VWCE: variants seen among roughly 807,000 people sequenced by gnomAD.
VWCE encodes the protein von Willebrand factor C and EGF domain-containing protein.
VWCE carries 68 observed loss-of-function variants against 102.9 expected under a neutral mutation model. The ratio of observed to expected loss-of-function variants is 0.66; its 90% CI spans 0.54 to 0.81. The LOEUF (loss-of-function observed/expected upper bound fraction) is 0.81. Ranked by LOEUF, VWCE falls within the 30% of genes least tolerant of loss-of-function variation. The pLI, the probability that VWCE is intolerant of heterozygous loss-of-function variation, is 0.00. For missense variants in VWCE, 1,137 were observed against 1,263.6 expected (o/e 0.90, Z 1.52); for synonymous variants, 497 against 515.4 (o/e 0.96, Z 0.48).
intron 11 of VWCE, 145 bp from the exon 12 acceptor site, chr11:61,274,729 G>C: frequency 1.7e-6 from 1 of 599,466 alleles, no homozygotes; most frequent in South Asian, 2.2e-5. Flanking sequence ...GGAACCCAAA[G>C]CACTTCTCCC....
chr11:61,291,223 C>T (rs1484691990), intron 3 of VWCE, 41 bp downstream of exon 3: 6 of 1,507,376 alleles, frequency 4.0e-6, no homozygotes, highest in East Asian at 2.3e-5. Context: ...CCTCAATGCT[C>T]ATTCATCTGT....
chr11:61,281,275 G>C, intron 7 of VWCE, 40 bp from the exon 8 acceptor site: 1 of 1,609,488 alleles, frequency 6.2e-7, no homozygotes, highest in Non-Finnish European at 8.5e-7. Flanking sequence ...GTGGACAGCA[G>C]AGACAGGAGG....
intron 4 of VWCE, 96 bp from the exon 5 acceptor site, chr11:61,286,526 G>T: frequency 8.6e-7 from 1 of 1,162,908 alleles, no homozygotes; most frequent in Non-Finnish European, 1.3e-6. Flanking sequence ...TTGCAGGCCG[G>T]GCATGGTGGC....
chr11:61,290,755 C>T, intron 4 of VWCE, 44 bp downstream of exon 4: 2 of 1,572,584 alleles, frequency 1.3e-6, no homozygotes, highest in African/African-American at 1.3e-5. Context: ...GATATAATTC[C>T]CGCTGTCCCC....
chr11:61,276,962 G>A (rs1854942545), intron 10 of VWCE, among the ~76,000 whole-genome samples: 1 of 117,662 alleles, frequency 8.5e-6, no homozygotes, highest in Non-Finnish European at 1.8e-5. Context: ...GGGAGGGGAG[G>A]GGAAGGGCAG....
At chr11:61,274,706 T>A in intron 11 of VWCE, 122 bp from the exon 12 acceptor site, 1 of 723,708 alleles carries the variant, frequency 1.4e-6, no homozygotes, top group East Asian at 3.0e-5. Flanking sequence ...CTCCACAGCA[T>A]GCTCCGTGCC....
At chr11:61,261,967 T>C (rs1437555040) in intron 19 of VWCE, among the ~76,000 whole-genome samples, 1 of 152,196 alleles carries the variant, frequency 6.6e-6, no homozygotes, top group Non-Finnish European at 1.5e-5. Context: ...GTTTTTGTTT[T>C]TGTTTGAGAC....
rs1178892950 is a variant in VWCE at position 61,271,632 on chromosome 11, G to A, written c.1785+43C>T. On this transcript the variant is annotated intron_variant, in intron 14 of 19. Coordinates refer to ENST00000335613, the MANE Select transcript of VWCE (RefSeq NM_152718.2). Reference sequence around the variant, plus strand: ...GCTTGTCTCCTCTGGGTGAGGCGGGGCAGCCAGGTAAAGCAGCTGAAGGCG... The same window carrying A: ...GCTTGTCTCCTCTGGGTGAGGCGGGACAGCCAGGTAAAGCAGCTGAAGGCG... 4 of 1,562,474 alleles carry A rather than the reference G, an allele frequency of 2.6e-6. No homozygotes were observed. In the South Asian group the frequency reaches 3.5e-5, roughly 14 times the overall value.
intron 19 of VWCE, among the ~76,000 whole-genome samples, chr11:61,262,770 C>T (rs1854397601): frequency 6.6e-6 from 1 of 151,970 alleles, no homozygotes; most frequent in Non-Finnish European, 1.5e-5. Flanking sequence ...ATTCAGGCCA[C>T]CATCAGTGAA....
Position 61,286,308 on chromosome 11 carries a change from G to A in VWCE, c.541+6C>T. 6.2e-7 allele frequency: 1 copy of A among 1,605,688 alleles called. No homozygotes were observed. Among genetic ancestry groups the A allele is most frequent in the Non-Finnish European group, 8.5e-7 (1 of 1,179,782 alleles). ...CCAGAGCAGCCATTCCTTCTCTGCA[G>A]CTCACCTTGGCAGCTGTGGCGGTCG... On this transcript the variant is annotated splice_donor_region_variant and intron_variant, in intron 5 of 19. Coordinates refer to ENST00000335613, the MANE Select transcript of VWCE (RefSeq NM_152718.2).
Position 61,265,046 on chromosome 11 carries a change from G to A in VWCE, c.2057-8C>T. On this transcript the variant is annotated splice_region_variant and splice_polypyrimidine_tract_variant and intron_variant, in intron 17 of 19. Transcript: ENST00000335613. ...TTCCCTCGTAGTTGCAGTCTGTGGA[G>A]GAAGGGGAGACAGGAGCCCATGAGA... The A allele has an allele frequency of 1.2e-6, 2 of 1,614,160 alleles. No individual in the cohort carries two copies. Among genetic ancestry groups the A allele is most frequent in the African/African-American group, 2.7e-5 (2 of 75,050 alleles).
chr11:61,280,569 G>A, intron 9 of VWCE, 55 bp downstream of exon 9: 1 of 1,563,304 alleles, frequency 6.4e-7, no homozygotes, highest in Non-Finnish European at 8.8e-7. Flanking sequence ...GGCTGCAGGA[G>A]GGTGCAGAGA....
chr11:61,259,268 C>G lies in VWCE; in HGVS notation c.2275G>C (p.Gly759Arg). 2 of 1,605,354 alleles carry G rather than the reference C, an allele frequency of 1.2e-6. No individual in the cohort carries two copies. Among genetic ancestry groups the G allele is most frequent in the Non-Finnish European group, 1.7e-6 (2 of 1,174,404 alleles). ...CCAGCTTTGCTGAATGCCACATTTCCGTGAGGGGAGAGCCCCTGCTTTTCT... is the reference window on the plus strand; with the variant it reads ...CCAGCTTTGCTGAATGCCACATTTCGGTGAGGGGAGAGCCCCTGCTTTTCT... ...LEEKQGLSPH[G>R]NVAFSKAGRS... is the part of the protein sequence containing the mutation. Residue 759 changes from glycine to arginine, a missense_variant, in exon 20 of 20, where the codon GGA (glycine) becomes CGA (arginine). Physicochemically the swap from Gly to Arg is moderately radical, Grantham distance 125. Coordinates refer to ENST00000335613, the MANE Select transcript of VWCE (RefSeq NM_152718.2).
At chr11:61,264,897 C>T in intron 18 of VWCE, 59 bp downstream of exon 18, 1 of 1,587,314 alleles carries the variant, frequency 6.3e-7, no homozygotes. Context: ...TGCAAAGGGA[C>T]AAAAGGCAAG....
At chr11:61,283,173 C>T (rs1439424829) in intron 5 of VWCE, among the ~76,000 whole-genome samples, 1 of 152,178 alleles carries the variant, frequency 6.6e-6, no homozygotes, top group East Asian at 1.9e-4. Flanking sequence ...TCTATCTCTA[C>T]CTAGGTTCCT....
intron 13 of VWCE, among the ~76,000 whole-genome samples, chr11:61,272,322 C>T (rs1216297493): frequency 6.6e-6 from 1 of 151,672 alleles, no homozygotes; most frequent in Non-Finnish European, 1.5e-5. Flanking sequence ...ACAGATACTA[C>T]TCAGAGAGAC....
Position 61,286,819 on chromosome 11 carries a change from C to T in VWCE, c.425-389G>A, listed in dbSNP as rs375450025. Among the ~76,000 whole-genome samples the T allele has an allele frequency of 2.4e-3, 358 of 147,622 alleles. 5 individuals are homozygous for T. The highest frequency in any genetic ancestry group is 7.5e-3 in the African/African-American group (299 of 39,664). Reference sequence around the variant, plus strand: ...TCCATCTCAGGAAAAAAAAGAAGGCCGGGCGCGGTGGCTCACGCCTGTAAT... The same window carrying T: ...TCCATCTCAGGAAAAAAAAGAAGGCTGGGCGCGGTGGCTCACGCCTGTAAT... On this transcript the variant is annotated intron_variant, in intron 4 of 19. Transcript: ENST00000335613.
chr11:61,291,560 G>T lies in VWCE; in HGVS notation c.127C>A (p.His43Asn). Residue 43 changes from histidine to asparagine, a missense_variant, in exon 2 of 20, where the codon CAC (histidine) becomes AAC (asparagine). Coordinates refer to ENST00000335613, the MANE Select transcript of VWCE (RefSeq NM_152718.2). ...FAAERRRLGPHVCLSGFGSGC... is the reference protein window; with the variant it reads ...FAAERRRLGPNVCLSGFGSGC... ...CTCCCAAACCCAGAGAGGCAGACGT[G>T]GGGGCCCAGTCGGCGTCTGCAAGAG... 6.9e-7 allele frequency: 1 copy of T among 1,451,896 alleles called. No homozygotes were observed. The highest frequency in any genetic ancestry group is 1.5e-5 in the South Asian group (1 of 67,826). The allele number at this position is 1,451,896 out of a possible 1,614,324, so 89.9% of individuals were successfully genotyped here. A position where few individuals can be genotyped will look rare whatever the true frequency, so the allele number is the denominator to read the frequency against.
At chr11:61,291,449 G>T in intron 2 of VWCE, 33 bp downstream of exon 2, 1 of 1,561,506 alleles carries the variant, frequency 6.4e-7, no homozygotes, top group Non-Finnish European at 8.7e-7. Context: ...ACTGCTGGAG[G>T]AGAAGACTTG....
Sources: gnomAD v4.1 joint callset for allele counts (sites outside exome capture counted in the v4.1 genomes callset) on GRCh38, gnomAD v4.1.1 for gene constraint, MANE v1.5 for transcripts, NCBI Gene and HGNC (gene_info 2026-07-23, HGNC 2026-07-21) for gene names.